The following GAB1 variants were observed in gnomAD, a reference collection of about 807,000 sequenced individuals.
The protein encoded by GAB1 is GRB2-associated-binding protein 1.
In GAB1, 19 loss-of-function variants were observed where a neutral mutation model predicts 66.5. That is an observed-to-expected ratio of 0.29 (90% CI 0.20 to 0.42). GAB1 has a LOEUF of 0.42. GAB1 is among the 10% of genes least tolerant of loss of function. GAB1 has a pLI of 1.00. For missense variants in GAB1, 732 were observed against 858.5 expected (o/e 0.85, Z 1.84); for synonymous variants, 294 against 301.4 (o/e 0.98, Z 0.25).
At chr4:143,397,663 A>G (rs1034951962) in intron 1 of GAB1, among the ~76,000 whole-genome samples, 1 of 152,230 alleles carries the variant, frequency 6.6e-6, no homozygotes, top group Non-Finnish European at 1.5e-5. Context: ...TTTACCCTCT[A>G]TAAATACTTT....
chr4:143,405,777 GGACAT>G (rs1317238807), intron 1 of GAB1, among the ~76,000 whole-genome samples: 1 of 152,146 alleles, frequency 6.6e-6, no homozygotes, highest in East Asian at 1.9e-4. Flanking sequence ...AAGGTACTGT[GGACAT>G]CTTGGAGTAG....
chr4:143,405,944 A>G (rs1432571098), intron 1 of GAB1, among the ~76,000 whole-genome samples: 1 of 152,172 alleles, frequency 6.6e-6, no homozygotes, highest in South Asian at 2.1e-4. Flanking sequence ...TTTGCAAACC[A>G]TGGGGAGAAA....
chr4:143,439,367 A>G (rs939461795), intron 4 of GAB1, among the ~76,000 whole-genome samples: 2 of 152,200 alleles, frequency 1.3e-5, no homozygotes, highest in Non-Finnish European at 1.5e-5. Context: ...CAAGATTTTA[A>G]TGTATCTGTG....
At chr4:143,384,665 T>C (rs1399025278) in intron 1 of GAB1, among the ~76,000 whole-genome samples, 4 of 152,232 alleles carry the variant, frequency 2.6e-5, no homozygotes, top group Admixed American at 2.6e-4. Context: ...GGAGAGCTCT[T>C]CCCTTCTGCT....
intron 1 of GAB1, among the ~76,000 whole-genome samples, chr4:143,338,882 C>T (rs1438573420): frequency 6.6e-6 from 1 of 152,116 alleles, no homozygotes; most frequent in African/African-American, 2.4e-5. Flanking sequence ...TTCATTCTTT[C>T]ACATGGTTAG....
chr4:143,358,109 T>C (rs986869250), intron 1 of GAB1, among the ~76,000 whole-genome samples: 9 of 152,198 alleles, frequency 5.9e-5, no homozygotes, highest in Admixed American at 1.3e-4. Flanking sequence ...TTAATGATTA[T>C]ATATTTTATA....
At chr4:143,370,565 T>C (rs1039523469) in intron 1 of GAB1, among the ~76,000 whole-genome samples, 6 of 152,102 alleles carry the variant, frequency 3.9e-5, no homozygotes, top group African/African-American at 1.4e-4. Context: ...CTTTTTTTTT[T>C]AAATTAAAGT....
intron 1 of GAB1, among the ~76,000 whole-genome samples, chr4:143,339,548 A>G (rs1268858362): frequency 1.3e-5 from 2 of 152,226 alleles, no homozygotes; most frequent in Non-Finnish European, 2.9e-5. Context: ...CTTTCAGATT[A>G]TAACTTTTCC....
At chr4:143,375,592 G>C (rs189097518) in intron 1 of GAB1, among the ~76,000 whole-genome samples, 1 of 152,348 alleles carries the variant, frequency 6.6e-6, no homozygotes, top group East Asian at 1.9e-4. Context: ...AATAAACGCT[G>C]TTGCTTTCTG....
intron 8 of GAB1, 84 bp downstream of exon 8, chr4:143,460,571 C>T: frequency 7.9e-7 from 1 of 1,268,604 alleles, no homozygotes; most frequent in South Asian, 1.5e-5. Context: ...AAATTTTATC[C>T]TCGTATCTTT....
At chr4:143,468,889 C>G in intron 9 of GAB1, 142 bp from the exon 10 acceptor site, 1 of 776,974 alleles carries the variant, frequency 1.3e-6, no homozygotes, top group Non-Finnish European at 2.0e-6. Flanking sequence ...CACCACTGCA[C>G]TCCATCCTGG....
intron 1 of GAB1, among the ~76,000 whole-genome samples, chr4:143,358,546 ATC>A (rs920308168): frequency 4.6e-5 from 7 of 152,234 alleles, no homozygotes; most frequent in African/African-American, 1.4e-4. Flanking sequence ...TGAATATAAA[ATC>A]TGTTTTTCAA....
chr4:143,337,946 C>A (rs1050907934), intron 1 of GAB1, among the ~76,000 whole-genome samples: 2 of 152,134 alleles, frequency 1.3e-5, no homozygotes, highest in Non-Finnish European at 2.9e-5. Flanking sequence ...TGGGGGGGAG[C>A]CTAGTGGCTG....
intron 6 of GAB1, among the ~76,000 whole-genome samples, chr4:143,448,522 G>T (rs1023359904): frequency 1.1e-4 from 16 of 151,794 alleles, no homozygotes; most frequent in Admixed American, 3.3e-4. Context: ...AGTCTTGGGA[G>T]AGTGTATGTG....
At chr4:143,456,361 G>T (rs1301393364) in intron 6 of GAB1, among the ~76,000 whole-genome samples, 1 of 151,878 alleles carries the variant, frequency 6.6e-6, no homozygotes, top group Non-Finnish European at 1.5e-5. Flanking sequence ...GGAGGCTGAG[G>T]CAGGAGAATG....
intron 6 of GAB1, among the ~76,000 whole-genome samples, chr4:143,456,410 T>C (rs1735193908): frequency 6.6e-6 from 1 of 151,978 alleles, no homozygotes; most frequent in Admixed American, 6.6e-5. Flanking sequence ...TGAGCCAAGA[T>C]TGTGCCATTG....
chr4:143,410,378 A>G (rs1732316355), intron 1 of GAB1, among the ~76,000 whole-genome samples: 1 of 152,238 alleles, frequency 6.6e-6, no homozygotes. Flanking sequence ...TAGTAACGTT[A>G]CAGCCATATA....
chr4:143,442,971 C>T (rs1734318045), intron 6 of GAB1, among the ~76,000 whole-genome samples: 1 of 148,516 alleles, frequency 6.7e-6, no homozygotes, highest in African/African-American at 2.5e-5. Context: ...TTCCTGAAGT[C>T]ATAGTATTCA....
At position 143,373,868 on chromosome 4, in the gene GAB1, A is replaced by AATAAATATATATATATATATATAT; in HGVS notation, c.72+36611_72+36612insAATATATATATATATATATATATA. ...CTCTCTCTCTCTCTGTAAATAAATA[A>AATAAATATATATATATATATATAT]ATATATATATATATATATTTTTACC... On this transcript the variant is annotated intron_variant, in intron 1 of 9. Coordinates refer to ENST00000262994, the MANE Select transcript of GAB1 (RefSeq NM_002039.4). 2.7e-4 allele frequency among the ~76,000 whole-genome samples: 25 copies of AATAAATATATATATATATATATAT among 93,684 alleles called. 1 individual carries two copies. The highest frequency in any genetic ancestry group is 7.9e-4 in the African/African-American group (17 of 21,602). The allele number at this position is 93,684 out of a possible 152,430, so 61.5% of individuals were successfully genotyped here.
Sources: allele counts gnomAD v4.1 joint callset (sites outside exome capture counted in the v4.1 genomes callset), GRCh38; gene constraint gnomAD v4.1.1; transcripts MANE v1.5; gene names NCBI Gene and HGNC (gene_info 2026-07-23, HGNC 2026-07-21).